Variants in UGGT2 observed in about 807,000 individuals in gnomAD.
The protein encoded by UGGT2 is UDP-glucose glycoprotein glucosyltransferase 2.
Under a neutral mutation model 192.1 loss-of-function variants are expected in UGGT2, and 180 were observed. The observed-to-expected ratio is 0.94, with a 90% CI of 0.83 to 1.06. UGGT2 has a LOEUF of 1.06. UGGT2 is among the 50% of genes least tolerant of loss of function. The pLI is 0.00. For synonymous variants in UGGT2, 580 were observed against 591.0 expected (o/e 0.98, Z 0.27); for missense variants, 1,849 against 1,795.7 (o/e 1.03, Z -0.54).
intron 10 of UGGT2, among the ~76,000 whole-genome samples, chr13:95,982,103 G>A (rs2051144312): frequency 6.6e-6 from 1 of 152,186 alleles, no homozygotes; most frequent in African/African-American, 2.4e-5. Context: ...ATGGCTGACA[G>A]GTAGATAAGG....
intron 12 of UGGT2, among the ~76,000 whole-genome samples, chr13:95,960,639 G>A (rs77847559): frequency 0.012 from 1,808 of 152,192 alleles, 42 homozygotes; most frequent in African/African-American, 0.041. Context: ...TGAAATAACA[G>A]AAAAAGACTT....
intron 20 of UGGT2, among the ~76,000 whole-genome samples, chr13:95,914,249 A>T (rs544787062): frequency 1.2e-4 from 18 of 151,958 alleles, no homozygotes; most frequent in South Asian, 8.3e-4. Flanking sequence ...AGTATAATAA[A>T]AAAAAAAAAG....
At chr13:95,816,785 A>G (rs1884939296) in intron 38 of UGGT2, among the ~76,000 whole-genome samples, 1 of 152,188 alleles carries the variant, frequency 6.6e-6, no homozygotes, top group African/African-American at 2.4e-5. Flanking sequence ...AAAATGTTCT[A>G]CATCTTGATT....
chr13:95,916,762 AG>A (rs2048693672), intron 20 of UGGT2, among the ~76,000 whole-genome samples: 1 of 152,206 alleles, frequency 6.6e-6, no homozygotes, highest in Non-Finnish European at 1.5e-5. Flanking sequence ...TGCAACCACA[AG>A]TATCAATAAC....
chr13:95,965,903 G>A (rs1337454504), intron 12 of UGGT2, among the ~76,000 whole-genome samples: 4 of 152,118 alleles, frequency 2.6e-5, no homozygotes, highest in Non-Finnish European at 4.4e-5. Context: ...GCAGGTGTTG[G>A]TGAGGATGTG....
chr13:96,053,352 C>G lies in UGGT2; in HGVS notation c.-40G>C. The G allele has an allele frequency of 6.4e-7, 1 of 1,563,954 alleles. No homozygotes were observed. Among genetic ancestry groups the G allele is most frequent in the Non-Finnish European group, 8.6e-7 (1 of 1,165,466 alleles). Reference sequence around the variant, plus strand: ...AGCGCGAGTCCCTCGGACCCGGTACCCACAGTCTGTGGCCGCCACGCTTCG... The same window carrying G: ...AGCGCGAGTCCCTCGGACCCGGTACGCACAGTCTGTGGCCGCCACGCTTCG... On this transcript the variant is annotated 5_prime_UTR_variant, in exon 1 of 39. Transcript: ENST00000376747.
chr13:95,937,058 G>A lies in UGGT2; in HGVS notation c.1843C>T (p.Leu615=). The A allele has an allele frequency of 6.3e-7, 1 of 1,599,584 alleles. No homozygotes were observed. Among genetic ancestry groups the A allele is most frequent in the Non-Finnish European group, 8.5e-7 (1 of 1,176,864 alleles). Residue 615 remains leucine, a synonymous_variant, in exon 17 of 39, where the codon CTG becomes TTG. Transcript: ENST00000376747. ...TAAAGAGCTTGAGGCAAAGGACCCA[G>A]GCCAGTCATCTTATAAAAGCTTGCT... ...AGASFYKMTG[L]GPLPQALYNG... is the part of the protein sequence containing the mutation.
chr13:95,815,088 G>A (rs1359870999), intron 38 of UGGT2, among the ~76,000 whole-genome samples: 1 of 152,078 alleles, frequency 6.6e-6, no homozygotes, highest in Non-Finnish European at 1.5e-5. Flanking sequence ...CCTGATAAAG[G>A]ACATCTATGA....
intron 29 of UGGT2, among the ~76,000 whole-genome samples, chr13:95,874,959 A>C (rs1464514709): frequency 6.6e-6 from 1 of 152,130 alleles, no homozygotes; most frequent in East Asian, 1.9e-4. Context: ...CCAAAGTGCT[A>C]GGATTACATG....
intron 26 of UGGT2, among the ~76,000 whole-genome samples, chr13:95,886,089 C>A (rs2047638693): frequency 6.6e-6 from 1 of 152,052 alleles, no homozygotes; most frequent in Non-Finnish European, 1.5e-5. Context: ...GGATCCAGAA[C>A]AAACAGGAAA....
Position 96,013,971 on chromosome 13 carries a change from A to C in UGGT2, c.486-490T>G, listed in dbSNP as rs549668763. ...GGTCTAGCATTATCATCAGAAACAG[A>C]CTTTAACTGACTTCTTATTTGCCAG... On this transcript the variant is annotated intron_variant, in intron 4 of 38. Transcript: ENST00000376747. Among the ~76,000 whole-genome samples, 4 of 152,226 alleles carry C rather than the reference A, an allele frequency of 2.6e-5. No homozygotes were observed. In the East Asian group the frequency reaches 7.7e-4, roughly 29 times the overall value.
At chr13:95,994,572 CTTA>C (rs1032878120) in intron 7 of UGGT2, among the ~76,000 whole-genome samples, 6 of 151,366 alleles carry the variant, frequency 4.0e-5, no homozygotes, top group African/African-American at 1.2e-4. Flanking sequence ...CACATTAATG[CTTA>C]TTATATTCCA....
chr13:96,031,879 T>A lies in UGGT2; in HGVS notation c.241+10A>T. ...CAAATCTTACAAGTTAAAATTTACATATCACCTACCTGTTTGCTTATAAAT... is the reference window on the plus strand; with the variant it reads ...CAAATCTTACAAGTTAAAATTTACAAATCACCTACCTGTTTGCTTATAAAT... On this transcript the variant is annotated intron_variant, in intron 2 of 38. Coordinates refer to ENST00000376747, the MANE Select transcript of UGGT2 (RefSeq NM_020121.4). 1 of 1,589,956 alleles carries A rather than the reference T, an allele frequency of 6.3e-7. No individual in the cohort carries two copies. Among genetic ancestry groups the A allele is most frequent in the Non-Finnish European group, 8.6e-7 (1 of 1,166,316 alleles).
intron 17 of UGGT2, among the ~76,000 whole-genome samples, chr13:95,933,935 C>T (rs1225554729): frequency 8.5e-5 from 13 of 152,106 alleles, no homozygotes; most frequent in South Asian, 2.1e-4. Context: ...CTGCCCACCT[C>T]GGCCTCCCAA....
intron 38 of UGGT2, among the ~76,000 whole-genome samples, chr13:95,825,577 G>A (rs1232477232): frequency 6.6e-6 from 1 of 152,108 alleles, no homozygotes; most frequent in Non-Finnish European, 1.5e-5. Flanking sequence ...CCTCTCCTGC[G>A]GCAATGCAGT....
intron 20 of UGGT2, among the ~76,000 whole-genome samples, chr13:95,912,421 C>A (rs190473752): frequency 3.9e-4 from 60 of 152,290 alleles, no homozygotes; most frequent in African/African-American, 1.4e-3. Context: ...GCAAAAATCA[C>A]AAGCATTCCT....
At chr13:95,944,288 A>G (rs71434504) in intron 15 of UGGT2, among the ~76,000 whole-genome samples, 23,497 of 151,916 alleles carry the variant, frequency 0.15, 1,968 homozygotes, top group Middle Eastern at 0.23. Flanking sequence ...CTCTTTTTCT[A>G]TTCTCTAAAA....
intron 20 of UGGT2, 100 bp downstream of exon 20, chr13:95,925,580 C>A: frequency 2.4e-6 from 2 of 831,448 alleles, no homozygotes; most frequent in South Asian, 3.4e-5. Flanking sequence ...TTAACTGAAA[C>A]ATTAACATGG....
In UGGT2 at chr13:95,937,541, AAC is replaced by A. The variant is rs1331776881; in HGVS notation, c.1813-455_1813-454del. Among the ~76,000 whole-genome samples, 8 of 152,172 alleles carry A rather than the reference AAC, an allele frequency of 5.3e-5. No homozygotes were observed. In the East Asian group the frequency reaches 1.5e-3, roughly 29 times the overall value. ...TATCCCTGTATTTATATGTTCAATAAACACTTATTCAATCCTGCCACCTGCAT... is the reference window on the plus strand; with the variant it reads ...TATCCCTGTATTTATATGTTCAATAAACTTATTCAATCCTGCCACCTGCAT... On this transcript the variant is annotated intron_variant, in intron 16 of 38. Transcript: ENST00000376747.
Sources: gnomAD v4.1 joint callset for allele counts (sites outside exome capture counted in the v4.1 genomes callset) on GRCh38, gnomAD v4.1.1 for gene constraint, MANE v1.5 for transcripts, NCBI Gene and HGNC (gene_info 2026-07-23, HGNC 2026-07-21) for gene names.